The following CREB5 variants were observed in gnomAD, a reference collection of about 807,000 sequenced individuals.
The protein encoded by CREB5 is cyclic AMP-responsive element-binding protein 5.
In CREB5, 19 loss-of-function variants were observed where a neutral mutation model predicts 57.1. The ratio of observed to expected loss-of-function variants is 0.33; its 90% confidence interval spans 0.23 to 0.49. The LOEUF is 0.49. Ranked by LOEUF, CREB5 falls within the 20% of genes least tolerant of loss-of-function variation. CREB5 has a pLI of 0.99. For missense variants in CREB5, 579 were observed against 671.6 expected (o/e 0.86, Z 1.52); for synonymous variants, 238 against 238.3 (o/e 1.00, Z 0.01).
intron 1 of CREB5, among the ~76,000 whole-genome samples, chr7:28,353,467 A>G (rs1259388849): frequency 8.5e-5 from 13 of 152,190 alleles, no homozygotes; most frequent in African/African-American, 1.2e-4. Flanking sequence ...GATGTGAAGA[A>G]CAAGGAAGAC....
At chr7:28,601,409 C>T (rs1007736427) in intron 5 of CREB5, among the ~76,000 whole-genome samples, 59 of 152,238 alleles carry the variant, frequency 3.9e-4, no homozygotes, top group African/African-American at 1.4e-3. Context: ...GTGTTAAGGG[C>T]ATGAGCTCTA....
chr7:28,306,568 T>TTTTTTTTTTTTTTTTG (rs1785191302), intron 1 of CREB5, among the ~76,000 whole-genome samples: 4 of 132,782 alleles, frequency 3.0e-5, no homozygotes, highest in Middle Eastern at 3.9e-3. Flanking sequence ...TTTTTTTTTT[T>TTTTTTTTTTTTTTTTG]TTTTTTTTTT....
intron 1 of CREB5, among the ~76,000 whole-genome samples, chr7:28,387,461 T>C (rs1787132238): frequency 6.6e-6 from 1 of 152,202 alleles, no homozygotes; most frequent in African/African-American, 2.4e-5. Context: ...AAGTTCCTTG[T>C]AAATGTTGGA....
At chr7:28,487,015 T>C (rs1396563398) in intron 1 of CREB5, among the ~76,000 whole-genome samples, 1 of 152,188 alleles carries the variant, frequency 6.6e-6, no homozygotes, top group South Asian at 2.1e-4. Context: ...TAATTTAACA[T>C]GTGTCTGATG....
rs56166148 is a variant in CREB5, at chr7:28,394,070, C to CAAAAAA, written c.-25+94660_-25+94665dup. Among the ~76,000 whole-genome samples, 44 of 52,998 alleles carry CAAAAAA rather than the reference C, an allele frequency of 8.3e-4. 6 individuals carry two copies. The highest frequency in any genetic ancestry group is 3.0e-3 in the African/African-American group (28 of 9,320). The allele number at this position is 52,998 out of a possible 152,430, so 34.8% of individuals were successfully genotyped here. A position where few individuals can be genotyped will look rare whatever the true frequency, so the allele number is the denominator to read the frequency against. On this transcript the variant is annotated intron_variant, in intron 1 of 9. Transcript: ENST00000396299. ...TGGGGGATGGAGCAAGACTCTGTCT[C>CAAAAAA]AAAAAAAAAAAAAAAAAAAAAAAAA...
intron 4 of CREB5, among the ~76,000 whole-genome samples, chr7:28,529,852 T>G (rs1235186731): frequency 6.6e-6 from 1 of 152,230 alleles, no homozygotes; most frequent in African/African-American, 2.4e-5. Flanking sequence ...TTCTATACGT[T>G]AATCTGCCAG....
chr7:28,736,818 CTCTCTCTT>C, intron 7 of CREB5, among the ~76,000 whole-genome samples: 1 of 104,588 alleles, frequency 9.6e-6, no homozygotes, highest in African/African-American at 3.2e-5. Context: ...GGCTCTCTCT[CTCTCTCTT>C]TTTTTTTTTT....
chr7:28,812,106 G>A (rs139301618), intron 9 of CREB5, among the ~76,000 whole-genome samples: 1 of 152,324 alleles, frequency 6.6e-6, no homozygotes, highest in Non-Finnish European at 1.5e-5. Context: ...ATTGCCAAAT[G>A]TCCCCTGGTG....
At chr7:28,536,462 CTG>C (rs1234704344) in intron 4 of CREB5, among the ~76,000 whole-genome samples, 1 of 152,176 alleles carries the variant, frequency 6.6e-6, no homozygotes, top group Non-Finnish European at 1.5e-5. Context: ...GGTAGGAACT[CTG>C]TCTCTGCTGT....
At chr7:28,536,148 C>T (rs979123554) in intron 4 of CREB5, among the ~76,000 whole-genome samples, 1 of 152,266 alleles carries the variant, frequency 6.6e-6, no homozygotes, top group African/African-American at 2.4e-5. Context: ...GAGAAACCAG[C>T]AAACAATGTT....
At chr7:28,395,939 C>G (rs2127998742) in intron 1 of CREB5, among the ~76,000 whole-genome samples, 1 of 152,202 alleles carries the variant, frequency 6.6e-6, no homozygotes, top group African/African-American at 2.4e-5. Context: ...CAATTCAACG[C>G]CAACTGCAGA....
chr7:28,810,538 CA>C (rs556106120), intron 9 of CREB5, among the ~76,000 whole-genome samples: 1 of 152,034 alleles, frequency 6.6e-6, no homozygotes, highest in South Asian at 2.1e-4. Flanking sequence ...ACTAAAAACA[CA>C]AAAAAAAATT....
chr7:28,391,768 C>T (rs369921569), intron 1 of CREB5, among the ~76,000 whole-genome samples: 2 of 152,246 alleles, frequency 1.3e-5, no homozygotes, highest in Admixed American at 6.5e-5. Context: ...TCTCCTTTTT[C>T]CTTTTCTATT....
At chr7:28,392,762 A>G (rs1787247560) in intron 1 of CREB5, among the ~76,000 whole-genome samples, 1 of 152,084 alleles carries the variant, frequency 6.6e-6, no homozygotes, top group Admixed American at 6.6e-5. Context: ...GACAGAAGAG[A>G]TTTTCGAGGT....
At chr7:28,437,364 A>G (rs1331000228) in intron 1 of CREB5, among the ~76,000 whole-genome samples, 3 of 135,980 alleles carry the variant, frequency 2.2e-5, no homozygotes, top group Non-Finnish European at 5.0e-5. Flanking sequence ...ACTCTCTGTC[A>G]TGGGAGCCTC....
intron 5 of CREB5, among the ~76,000 whole-genome samples, chr7:28,612,083 G>A (rs1797414802): frequency 6.6e-6 from 1 of 152,162 alleles, no homozygotes; most frequent in South Asian, 2.1e-4. Context: ...TCTAGAAAAA[G>A]CAGAGATGGT....
chr7:28,437,374 CCTT>C (rs1583460905), intron 1 of CREB5, among the ~76,000 whole-genome samples: 1 of 135,968 alleles, frequency 7.4e-6, no homozygotes, highest in East Asian at 3.1e-4. Context: ...ATGGGAGCCT[CCTT>C]TCTTGGTACT....
intron 5 of CREB5, among the ~76,000 whole-genome samples, chr7:28,705,251 T>C (rs1458927082): frequency 6.6e-6 from 1 of 150,854 alleles, no homozygotes; most frequent in Non-Finnish European, 1.5e-5. Context: ...TAATCCCAAC[T>C]ACTCAGGAGG....
chr7:28,653,280 G>T (rs1005273683), intron 5 of CREB5, among the ~76,000 whole-genome samples: 1 of 152,086 alleles, frequency 6.6e-6, no homozygotes, highest in African/African-American at 2.4e-5. Flanking sequence ...TTTTCTCCTT[G>T]AGGCACTTTG....
Sources: allele counts gnomAD v4.1 joint callset (sites outside exome capture counted in the v4.1 genomes callset), GRCh38; gene constraint gnomAD v4.1.1; transcripts MANE v1.5; gene names NCBI Gene and HGNC (gene_info 2026-07-23, HGNC 2026-07-21).